SORCS3: variants seen among roughly 807,000 people sequenced by gnomAD.
SORCS3 encodes sortilin related VPS10 domain containing receptor 3.
Under a neutral mutation model 146.3 loss-of-function variants are expected in SORCS3, and 57 were observed. The observed-to-expected ratio is 0.39, with a 90% confidence interval of 0.31 to 0.49. The LOEUF is 0.49. Ranked by LOEUF, SORCS3 falls within the 20% of genes least tolerant of loss-of-function variation. The pLI, the probability that SORCS3 is intolerant of heterozygous loss-of-function variation, is 0.92. For missense variants in SORCS3, 1,341 were observed against 1,575.5 expected, an observed-to-expected ratio of 0.85 and a Z score of 2.52; for synonymous variants, 653 against 618.5, an observed-to-expected ratio of 1.06 and a Z score of -0.83.
chr10:104,929,802 G>A (rs2019188877), intron 3 of SORCS3, among the ~76,000 whole-genome samples: 1 of 152,204 alleles, frequency 6.6e-6, no homozygotes, highest in African/African-American at 2.4e-5. Context: ...ATCTCTGGAT[G>A]GCATGACTGC....
chr10:105,157,170 CAAG>C lies in SORCS3; in HGVS notation c.1519_1521del (p.Lys507del), dbSNP rs1356555236. On this transcript the variant is annotated inframe_deletion, in exon 10 of 27. Coordinates refer to ENST00000369701, the MANE Select transcript of SORCS3 (RefSeq NM_014978.3). Reference sequence around the variant, plus strand: ...GTATCAAAGGGATATTTCTGGCAAACAAGAAGGTGGACGACCAGGTGAAGACAT... The same window carrying C: ...GTATCAAAGGGATATTTCTGGCAAACAAGGTGGACGACCAGGTGAAGACAT... 1.9e-6 allele frequency: 3 copies of C among 1,613,858 alleles called. No individual in the cohort carries two copies. Among genetic ancestry groups the C allele is most frequent in the Non-Finnish European group, 2.5e-6 (3 of 1,179,948 alleles).
intron 14 of SORCS3, among the ~76,000 whole-genome samples, chr10:105,186,870 G>A (rs1412155525): frequency 1.4e-5 from 2 of 143,342 alleles, no homozygotes; most frequent in Non-Finnish European, 3.0e-5. Context: ...GGCAACAAGA[G>A]TGAGACTCCA....
chr10:105,125,259 T>G (rs2055965281), intron 7 of SORCS3, among the ~76,000 whole-genome samples: 1 of 152,212 alleles, frequency 6.6e-6, no homozygotes, highest in Non-Finnish European at 1.5e-5. Flanking sequence ...TCTTTATTAT[T>G]GAATAACCTG....
intron 22 of SORCS3, among the ~76,000 whole-genome samples, chr10:105,247,896 C>T (rs183212520): frequency 6.6e-6 from 1 of 152,254 alleles, no homozygotes; most frequent in African/African-American, 2.4e-5. Context: ...GGCTTGATCC[C>T]TTTAATGCAC....
At chr10:104,905,598 T>C (rs2018896899) in intron 2 of SORCS3, among the ~76,000 whole-genome samples, 2 of 152,176 alleles carry the variant, frequency 1.3e-5, no homozygotes, top group African/African-American at 4.8e-5. Flanking sequence ...AAAAGAGACG[T>C]CCAAGGTAGT....
At chr10:104,871,473 A>T (rs2133568183) in intron 2 of SORCS3, among the ~76,000 whole-genome samples, 1 of 152,324 alleles carries the variant, frequency 6.6e-6, no homozygotes, top group South Asian at 2.1e-4. Context: ...CACTGTGTGC[A>T]CCAGCTCTGG....
chr10:105,154,715 TA>T (rs1202086647), intron 9 of SORCS3, among the ~76,000 whole-genome samples: 8 of 152,230 alleles, frequency 5.3e-5, no homozygotes, highest in African/African-American at 1.9e-4. Flanking sequence ...TGAGGGTGCG[TA>T]GTCTTCATAA....
At chr10:105,062,287 GA>G (rs2055493144) in intron 5 of SORCS3, among the ~76,000 whole-genome samples, 2 of 152,212 alleles carry the variant, frequency 1.3e-5, no homozygotes, top group South Asian at 4.1e-4. Context: ...GTTGGCCGCA[GA>G]CTGTGTAGGT....
intron 1 of SORCS3, among the ~76,000 whole-genome samples, chr10:104,718,872 G>A (rs545239185): frequency 1.1e-4 from 16 of 152,196 alleles, no homozygotes; most frequent in African/African-American, 3.6e-4. Flanking sequence ...TTGGAAAAAA[G>A]AAAAATTCTG....
rs189049414 is a variant in SORCS3 at position 104,690,692 on chromosome 10, A to G, written c.627+48738A>G. On this transcript the variant is annotated intron_variant, in intron 1 of 26. Transcript: ENST00000369701. ...TACTTTTCCCTCCTTGTTCATCATC[A>G]TGAGAACATTGAGTTGATGAGGACG... 6.5e-3 allele frequency among the ~76,000 whole-genome samples: 989 copies of G among 152,256 alleles called. 6 individuals are homozygous for G. The highest frequency in any genetic ancestry group is 0.037 in the Middle Eastern group (11 of 294).
chr10:105,252,176 G>C (rs1178604815), intron 22 of SORCS3, among the ~76,000 whole-genome samples: 1 of 152,128 alleles, frequency 6.6e-6, no homozygotes, highest in African/African-American at 2.4e-5. Context: ...TACAGTTACT[G>C]ACTGAAGGGT....
intron 11 of SORCS3, among the ~76,000 whole-genome samples, chr10:105,161,274 C>T (rs1010042004): frequency 6.6e-6 from 1 of 152,150 alleles, no homozygotes; most frequent in African/African-American, 2.4e-5. Flanking sequence ...CCCAGCTTCT[C>T]CTTACCCTGC....
intron 1 of SORCS3, among the ~76,000 whole-genome samples, chr10:104,715,471 A>G (rs1027795359): frequency 1.3e-5 from 2 of 152,152 alleles, no homozygotes; most frequent in African/African-American, 4.8e-5. Flanking sequence ...CTGGTTCTTC[A>G]TCTTGCAGAC....
intron 5 of SORCS3, among the ~76,000 whole-genome samples, chr10:105,045,304 C>G (rs1200272606): frequency 6.6e-6 from 1 of 152,158 alleles, no homozygotes; most frequent in African/African-American, 2.4e-5. Context: ...GAACGAGTCC[C>G]TAGGTCCTGA....
chr10:104,931,897 G>C (rs1396714627), intron 3 of SORCS3, among the ~76,000 whole-genome samples: 1 of 152,182 alleles, frequency 6.6e-6, no homozygotes, highest in Non-Finnish European at 1.5e-5. Flanking sequence ...TCTTTGGCCT[G>C]AACCTCAAGT....
At chr10:105,214,893 C>T (rs1326735749) in intron 18 of SORCS3, among the ~76,000 whole-genome samples, 1 of 152,162 alleles carries the variant, frequency 6.6e-6, no homozygotes, top group East Asian at 1.9e-4. Flanking sequence ...TTAAAGTCTG[C>T]TTTGCTGAGG....
intron 9 of SORCS3, among the ~76,000 whole-genome samples, chr10:105,156,172 A>G (rs943677338): frequency 6.6e-6 from 1 of 152,164 alleles, no homozygotes; most frequent in African/African-American, 2.4e-5. Context: ...CATTGAACCT[A>G]TTGTTTATAT....
intron 4 of SORCS3, among the ~76,000 whole-genome samples, chr10:105,006,582 C>A (rs1184816479): frequency 6.6e-6 from 1 of 152,198 alleles, no homozygotes; most frequent in Non-Finnish European, 1.5e-5. Flanking sequence ...TTTAGGTCTT[C>A]CATGGCTCAT....
intron 5 of SORCS3, among the ~76,000 whole-genome samples, chr10:105,045,198 G>A (rs749716300): frequency 5.9e-5 from 9 of 152,076 alleles, no homozygotes; most frequent in Non-Finnish European, 1.2e-4. Flanking sequence ...ATGAAATTAA[G>A]TGCCTAAGAA....
Sources: allele counts gnomAD v4.1 joint callset (sites outside exome capture counted in the v4.1 genomes callset), GRCh38; gene constraint gnomAD v4.1.1; transcripts MANE v1.5; gene names NCBI Gene and HGNC (gene_info 2026-07-23, HGNC 2026-07-21).